Variants in AP2A2 observed in about 807,000 individuals in gnomAD.
AP2A2 encodes the protein adaptor related protein complex 2 subunit alpha 2.
AP2A2 carries 32 observed loss-of-function variants against 104.2 expected under a neutral mutation model. The observed-to-expected ratio is 0.31, with a 90% confidence interval of 0.23 to 0.41. The LOEUF is 0.41. Among genes scored for constraint, AP2A2 ranks in the 10% least tolerant of loss-of-function variants. The probability of loss-of-function intolerance (pLI) is 1.00; values close to 1 mark genes in which losing one functional copy is unlikely to be tolerated. For synonymous variants in AP2A2, 539 were observed against 533.3 expected (o/e 1.01, Z -0.15); for missense variants, 912 against 1,261.0 (o/e 0.72, Z 4.19).
chr11:929,445 T>C (rs953520080), intron 1 of AP2A2, among the ~76,000 whole-genome samples: 1 of 152,210 alleles, frequency 6.6e-6, no homozygotes, highest in Admixed American at 6.5e-5. Flanking sequence ...TGAAATATCA[T>C]TAAAGCTGCG....
chr11:970,737 C>T (rs1196590947), intron 3 of AP2A2, among the ~76,000 whole-genome samples: 1 of 152,236 alleles, frequency 6.6e-6, no homozygotes, highest in African/African-American at 2.4e-5. Context: ...AGGATGTCTC[C>T]CTGACACAGT....
intron 1 of AP2A2, among the ~76,000 whole-genome samples, chr11:931,349 C>A (rs1853286615): frequency 6.6e-6 from 1 of 152,160 alleles, no homozygotes; most frequent in Non-Finnish European, 1.5e-5. Flanking sequence ...AGAGTTGTAT[C>A]TAACTTAGTG....
intron 1 of AP2A2, chr11:940,788 A>G (rs1468150706): frequency 3.9e-5 from 18 of 456,008 alleles, no homozygotes; most frequent in Non-Finnish European, 4.0e-5. Flanking sequence ...GTGCCTGCCA[A>G]CCTGAAGGGC....
Position 985,534 on chromosome 11 carries a change from A to G in AP2A2, c.914A>G (p.Lys305Arg), listed in dbSNP as rs1274949617. The G allele has an allele frequency of 1.2e-6, 2 of 1,613,992 alleles. No individual in the cohort carries two copies. Among genetic ancestry groups the G allele is most frequent in the African/African-American group, 2.7e-5 (2 of 75,058 alleles). ...AAGAAGGTCCAGCACTCCAACGCGA[A>G]GAATGCCGTGCTCTTCGAGGCCATC... is the stretch of plus-strand genomic sequence containing the variant. ...KSKKVQHSNA[K>R]NAVLFEAISL... Residue 305 changes from lysine (K) to arginine (R), a missense_variant, in exon 8 of 22, where the codon AAG (lysine) becomes AGG (arginine). This residue lies in a region of AP2A2 where 350 missense variants were observed against 487.0 expected (regional missense o/e 0.72). Transcript: ENST00000448903.
chr11:955,715 GTGTT>G (rs1376970189), intron 1 of AP2A2, among the ~76,000 whole-genome samples: 2 of 152,242 alleles, frequency 1.3e-5, no homozygotes, highest in Admixed American at 1.3e-4. Context: ...GCTCAAAGGA[GTGTT>G]TGTTCGGTTC....
chr11:952,088 C>T (rs914623988), intron 1 of AP2A2, among the ~76,000 whole-genome samples: 5 of 152,106 alleles, frequency 3.3e-5, no homozygotes, highest in Admixed American at 6.5e-5. Flanking sequence ...AGGCTGGTCT[C>T]GAGCTCCTGG....
chr11:970,191 T>C lies in AP2A2; in HGVS notation c.159T>C (p.Tyr53=), dbSNP rs780206361. The change falls in exon 3 of 22, where the codon TAT becomes TAC. Residue 53 remains tyrosine, a synonymous_variant. Transcript: ENST00000448903. The part of the protein sequence containing the change: ...KFKGDKALDG[Y]SKKKYVCKLL... ...TAGGTGACAAGGCTCTTGATGGCTA[T>C]AGTAAAAAAAAGTACGTCTGCAAGT... 3 of 1,613,934 alleles carry C rather than the reference T, an allele frequency of 1.9e-6. No homozygotes were observed. Among genetic ancestry groups the C allele is most frequent in the African/African-American group, 1.3e-5 (1 of 75,042 alleles).
intron 1 of AP2A2, among the ~76,000 whole-genome samples, chr11:948,063 T>C (rs1853911931): frequency 6.6e-6 from 1 of 152,064 alleles, no homozygotes; most frequent in Admixed American, 6.6e-5. Flanking sequence ...AATACCTACA[T>C]TAAAAAAGAT....
chr11:991,481 G>A (rs1262712162), intron 10 of AP2A2, among the ~76,000 whole-genome samples: 2 of 152,136 alleles, frequency 1.3e-5, no homozygotes, highest in African/African-American at 2.4e-5. Flanking sequence ...CAGAGCATCC[G>A]TTCGTGGAGG....
At chr11:1,005,669 G>A (rs1856179310) in intron 16 of AP2A2, among the ~76,000 whole-genome samples, 2 of 152,192 alleles carry the variant, frequency 1.3e-5, no homozygotes, top group South Asian at 4.1e-4. Flanking sequence ...CAGAAAGAAT[G>A]TGAAAAAAGA....
rs187278370 is a variant in AP2A2, at chr11:1,009,319, T to A, written c.2538-9T>A. The stretch of plus-strand genomic sequence containing the variant: ...GGCTGAGAACACTCGCCTTTGCTGT[T>A]TCTCACAGTCCACAGCAGGAAGTGC... On this transcript the variant is annotated splice_polypyrimidine_tract_variant and intron_variant, in intron 19 of 21. Transcript: ENST00000448903. 1.9e-6 allele frequency: 3 copies of A among 1,613,572 alleles called. No individual in the cohort carries two copies. The highest frequency in any genetic ancestry group is 2.7e-5 in the African/African-American group (2 of 75,066).
At chr11:938,665 G>A (rs1380136890) in intron 1 of AP2A2, among the ~76,000 whole-genome samples, 1 of 151,742 alleles carries the variant, frequency 6.6e-6, no homozygotes, top group African/African-American at 2.4e-5. Flanking sequence ...TAGTAGAGAC[G>A]GGGTTTCACC....
chr11:932,854 C>A (rs1853334418), intron 1 of AP2A2: 5 of 412,982 alleles, frequency 1.2e-5, no homozygotes, highest in South Asian at 8.7e-5. Flanking sequence ...CTTACTATTA[C>A]TTCTCTTTCC....
chr11:998,323 A>ACCCGCCCCCATTCTGCCCC (rs1554892525), intron 14 of AP2A2, among the ~76,000 whole-genome samples: 4 of 77,146 alleles, frequency 5.2e-5, no homozygotes, highest in South Asian at 4.9e-4. Flanking sequence ...TCTGACTCTC[A>ACCCGCCCCCATTCTGCCCC]CCCGCCCCCA....
chr11:975,194 G>A (rs115616230), intron 4 of AP2A2, among the ~76,000 whole-genome samples: 3,620 of 152,296 alleles, frequency 0.024, 151 homozygotes, highest in African/African-American at 0.082. Context: ...AAGAGAACCC[G>A]TGGAGGTGCA....
chr11:960,170 T>C (rs1379689589), intron 2 of AP2A2, among the ~76,000 whole-genome samples: 1 of 151,854 alleles, frequency 6.6e-6, no homozygotes, highest in Non-Finnish European at 1.5e-5. Flanking sequence ...AGAACACAGC[T>C]TGGGGACAAC....
chr11:1,002,635 C>T (rs1242187940), intron 15 of AP2A2, among the ~76,000 whole-genome samples: 2 of 152,380 alleles, frequency 1.3e-5, no homozygotes, highest in Middle Eastern at 3.4e-3. Flanking sequence ...AGCCAAGGGC[C>T]GCCTGTCACT....
intron 14 of AP2A2, among the ~76,000 whole-genome samples, chr11:999,155 AGCTGCT>A (rs1466315885): frequency 6.6e-6 from 1 of 152,102 alleles, no homozygotes; most frequent in Non-Finnish European, 1.5e-5. Flanking sequence ...CGATGGACTG[AGCTGCT>A]GCTTGTGCCC....
chr11:1,002,539 G>T (rs920815338), intron 15 of AP2A2, among the ~76,000 whole-genome samples: 1 of 152,276 alleles, frequency 6.6e-6, no homozygotes, highest in East Asian at 1.9e-4. Context: ...TGTGCGCAGG[G>T]ACTGCTGCCT....
Sources: gnomAD v4.1 joint callset for allele counts (sites outside exome capture counted in the v4.1 genomes callset) on GRCh38, gnomAD v4.1.1 for gene constraint, gnomAD v4.1.1 regional missense constraint, MANE v1.5 for transcripts, NCBI Gene and HGNC (gene_info 2026-07-23, HGNC 2026-07-21) for gene names.